TRPM8: variants seen among roughly 807,000 people sequenced by gnomAD.
TRPM8 encodes transient receptor potential cation channel subfamily M member 8.
TRPM8 carries 110 observed loss-of-function variants against 133.7 expected under a neutral mutation model. That is an observed-to-expected ratio of 0.82 (90% CI 0.70 to 0.96). The LOEUF is 0.96. Among genes scored for constraint, TRPM8 ranks in the 40% least tolerant of loss-of-function variants. The pLI is 0.00. For missense variants in TRPM8, 1,291 were observed against 1,379.5 expected, an observed-to-expected ratio of 0.94 and a Z score of 1.02; for synonymous variants, 535 against 532.3, an observed-to-expected ratio of 1.01 and a Z score of -0.07.
At chr2:233,948,495 C>G (rs1040148959) in intron 8 of TRPM8, among the ~76,000 whole-genome samples, 28 of 152,298 alleles carry the variant, frequency 1.8e-4, no homozygotes, top group African/African-American at 6.7e-4. Flanking sequence ...TCTGCAAAAG[C>G]AGCCACATCA....
chr2:233,922,128 T>A (rs1691424886), intron 1 of TRPM8, among the ~76,000 whole-genome samples: 1 of 152,158 alleles, frequency 6.6e-6, no homozygotes, highest in Non-Finnish European at 1.5e-5. Flanking sequence ...TAGGTTAGAA[T>A]GAAGGATAGG....
rs11563220 is a variant in TRPM8 at position 233,926,525 on chromosome 2, C to T, written c.-5-8C>T. 0.027 allele frequency: 42,634 copies of T among 1,607,112 alleles called. 3,839 individuals carry two copies. The highest frequency in any genetic ancestry group is 0.21 in the African/African-American group (15,870 of 74,774). ...ACCCAAACTTATCCCCTCCAACCAT[C>T]GTCACAGAAAAGATGTCCTTTCGGG... On this transcript the variant is annotated splice_region_variant and splice_polypyrimidine_tract_variant and intron_variant, in intron 1 of 25. Coordinates refer to ENST00000324695, the MANE Select transcript of TRPM8 (RefSeq NM_024080.5).
chr2:234,007,334 A>G (rs1321261506), intron 23 of TRPM8, among the ~76,000 whole-genome samples: 1 of 152,214 alleles, frequency 6.6e-6, no homozygotes, highest in African/African-American at 2.4e-5. Flanking sequence ...CCACACACCT[A>G]TTTATCTTTG....
rs201678904 is a variant in TRPM8, at chr2:234,019,279, C to T, written c.*2023C>T. On this transcript the variant is annotated 3_prime_UTR_variant, in exon 26 of 26. Transcript: ENST00000324695. ...GAAGCAACTTGCATTAGAGAGGGAA[C>T]TGTTAAATGTTTTCAACCCAGTTCA... 1.3e-5 allele frequency: 2 copies of T among 152,142 alleles called. No homozygotes were observed. Among genetic ancestry groups the T allele is most frequent in the Non-Finnish European group, 2.9e-5 (2 of 68,018 alleles). The allele number at this position is 152,142 out of a possible 1,614,324, so 9.4% of individuals were successfully genotyped here.
At chr2:233,953,643 G>GACACAC (rs143487123) in intron 9 of TRPM8, 5,512 of 236,164 alleles carry the variant, frequency 0.023, 223 homozygotes, top group East Asian at 0.17. Context: ...CAGGCTTTGT[G>GACACAC]ACACACACAC....
chr2:233,942,742 T>C lies in TRPM8; in HGVS notation c.693T>C (p.Asp231=), dbSNP rs1332541267. The C allele has an allele frequency of 2.5e-6, 4 of 1,614,078 alleles. No homozygotes were observed. Among genetic ancestry groups the C allele is most frequent in the East Asian group, 2.2e-5 (1 of 44,876 alleles). ...GGGACACCCTCATCAGGAATTGCGA[T>C]GCTGAGGTACCGGTGGGACAGGAGG... ...SNRDTLIRNC[D]AEGYFLAQYL... Residue 231 remains aspartate (D), a synonymous_variant, in exon 6 of 26, where the codon GAT becomes GAC. Transcript: ENST00000324695.
intron 8 of TRPM8, 61 bp from the exon 9 acceptor site, chr2:233,949,888 C>A (rs1440274987): frequency 5.2e-6 from 8 of 1,534,988 alleles, no homozygotes; most frequent in South Asian, 1.2e-5. Context: ...GAACCTTAGT[C>A]CAGAGCTGGG....
intron 2 of TRPM8, among the ~76,000 whole-genome samples, chr2:233,927,763 T>TTCCTTCC (rs1407128795): frequency 8.7e-5 from 6 of 69,288 alleles, no homozygotes; most frequent in African/African-American, 7.8e-4. Context: ...TCTTTCTTTC[T>TTCCTTCC]TTCTTTCTTT....
In TRPM8 at chr2:233,981,806, C is replaced by T; in HGVS notation, c.2480C>T (p.Ser827Phe). The stretch of plus-strand genomic sequence containing the variant: ...TCTTCTAATAAAAGCTCTTTGTATT[C>T]TGGACGAGTCATTTTCTGTCTGGAC... ...LHSSNKSSLY[S>F]GRVIFCLDYI... Residue 827 changes from serine to phenylalanine, a missense_variant, in exon 19 of 26, where the codon TCT becomes TTT. Ser to Phe is a radical substitution (Grantham distance 155). This residue lies in a region of TRPM8 where 328 missense variants were observed against 410.6 expected (regional missense o/e 0.80). Transcript: ENST00000324695. 6.2e-7 allele frequency: 1 copy of T among 1,613,244 alleles called. No homozygotes were observed. Among genetic ancestry groups the T allele is most frequent in the Non-Finnish European group, 8.5e-7 (1 of 1,179,650 alleles).
At chr2:233,950,758 A>G (rs1412708234) in intron 9 of TRPM8, among the ~76,000 whole-genome samples, 29 of 152,218 alleles carry the variant, frequency 1.9e-4, no homozygotes, top group Non-Finnish European at 2.8e-4. Context: ...GCTAAGTGAA[A>G]GAGTGGAGAT....
intron 17 of TRPM8, among the ~76,000 whole-genome samples, chr2:233,975,135 C>T (rs143043637): frequency 5.3e-5 from 8 of 152,146 alleles, no homozygotes; most frequent in Non-Finnish European, 1.2e-4. Context: ...CTCAGAATTG[C>T]GTGGCATGGG....
chr2:234,012,156 T>A (rs1241815609), intron 24 of TRPM8, among the ~76,000 whole-genome samples: 2 of 36,156 alleles, frequency 5.5e-5, no homozygotes, highest in African/African-American at 4.3e-4. Flanking sequence ...TTCTAACAGT[T>A]TTTTTTTTTT....
intron 18 of TRPM8, among the ~76,000 whole-genome samples, chr2:233,980,871 C>G (rs72974112): frequency 6.6e-6 from 1 of 152,024 alleles, no homozygotes; most frequent in Non-Finnish European, 1.5e-5. Flanking sequence ...TTTGCATTGC[C>G]TAGCCTGCAT....
intron 24 of TRPM8, among the ~76,000 whole-genome samples, chr2:234,012,877 C>A (rs1692876874): frequency 6.6e-6 from 1 of 151,508 alleles, no homozygotes. Flanking sequence ...TTGAGATGAT[C>A]ATGTGGTTTT....
At chr2:233,983,321 A>G in intron 20 of TRPM8, 97 bp downstream of exon 20, 1 of 1,397,942 alleles carries the variant, frequency 7.2e-7, no homozygotes, top group South Asian at 1.2e-5. Flanking sequence ...CTTCAGAAGC[A>G]CGCGCGTGAA....
At chr2:233,932,842 T>C (rs186194189) in intron 3 of TRPM8, among the ~76,000 whole-genome samples, 20 of 151,142 alleles carry the variant, frequency 1.3e-4, no homozygotes, top group African/African-American at 4.9e-4. Context: ...AAGTTACCCA[T>C]CAGACAAGGG....
At position 233,961,019 on chromosome 2, in the gene TRPM8, C is replaced by T. The variant is rs201447068; in HGVS notation, c.1606C>T (p.Arg536Trp). 2.0e-5 allele frequency: 33 copies of T among 1,613,970 alleles called. No homozygotes were observed. The highest frequency in any genetic ancestry group is 7.7e-5 in the South Asian group (7 of 91,070). Reference sequence around the variant, plus strand: ...GGTTGCGAACTTCCGAAGAGGCTTCCGGAAGGAAGACAGAAATGGCCGGGA... The same window carrying T: ...GGTTGCGAACTTCCGAAGAGGCTTCTGGAAGGAAGACAGAAATGGCCGGGA... ...KLVANFRRGFRKEDRNGRDEM... is the reference protein window; with the variant it reads ...KLVANFRRGFWKEDRNGRDEM... Residue 536 changes from arginine to tryptophan, a missense_variant, in exon 12 of 26, where the codon CGG becomes TGG. By Grantham distance (101) the Arg-to-Trp change is moderately radical. Transcript: ENST00000324695.
At chr2:234,002,622 G>A (rs1692597153) in intron 22 of TRPM8, among the ~76,000 whole-genome samples, 2 of 152,160 alleles carry the variant, frequency 1.3e-5, no homozygotes, top group Admixed American at 1.3e-4. Context: ...ATATGTTGGC[G>A]GAGGGGAGGG....
chr2:233,928,865 C>T (rs1691623787), intron 2 of TRPM8, among the ~76,000 whole-genome samples: 1 of 152,102 alleles, frequency 6.6e-6, no homozygotes, highest in Non-Finnish European at 1.5e-5. Context: ...TTTTTGTTAC[C>T]CATTCCTTGC....
Sources: allele counts gnomAD v4.1 joint callset (sites outside exome capture counted in the v4.1 genomes callset), GRCh38; gene constraint gnomAD v4.1.1; regional missense constraint gnomAD v4.1.1; transcripts MANE v1.5; gene names NCBI Gene and HGNC (gene_info 2026-07-23, HGNC 2026-07-21).